Variants in NUDT19 observed in about 807,000 individuals in gnomAD.
NUDT19 encodes acyl-coenzyme A diphosphatase NUDT19.
In NUDT19, 31 loss-of-function variants were observed where a neutral mutation model predicts 22.2. The ratio of observed to expected loss-of-function variants is 1.40; its 90% CI spans 1.05 to 1.89. The LOEUF (loss-of-function observed/expected upper bound fraction) is 1.89. Among genes scored for constraint, NUDT19 ranks in the 40% most tolerant of loss-of-function variants. The pLI is 0.00. For synonymous variants in NUDT19, 325 were observed against 230.8 expected (o/e 1.41, Z -3.70); for missense variants, 752 against 514.2 (o/e 1.46, Z -4.47).
At chr19:32,698,738 A>C (rs1968296571) in intron 1 of NUDT19, among the ~76,000 whole-genome samples, 1 of 152,152 alleles carries the variant, frequency 6.6e-6, no homozygotes, top group African/African-American at 2.4e-5. Context: ...GGCCCTTACC[A>C]ACACATTCTC....
rs1050505208 is a variant in NUDT19, at chr19:32,712,827, G to A, written c.*870G>A. On this transcript the variant is annotated 3_prime_UTR_variant, in exon 3 of 3. Coordinates refer to ENST00000397061, the MANE Select transcript of NUDT19 (RefSeq NM_001105570.2). ...AAAACCAGAACATAATTTCACAAGG[G>A]TTCCTACTTCTGTATTGTTTTATTA... 1.3e-5 allele frequency: 2 copies of A among 152,088 alleles called. No homozygotes were observed. The highest frequency in any genetic ancestry group is 4.8e-5 in the African/African-American group (2 of 41,418). 9.4% of individuals were successfully genotyped at this position (152,088 alleles called of 1,614,324 possible).
Position 32,700,490 on chromosome 19 carries a change from C to T in NUDT19, c.714+7816C>T, listed in dbSNP as rs551851835. The stretch of plus-strand genomic sequence containing the variant: ...CAGAAAAGTTCTCCAAGTCCCCACT[C>T]GACCCAGGAAGTCCAGCTGGCTTCA... On this transcript the variant is annotated intron_variant, in intron 1 of 2. Transcript: ENST00000397061. Among the ~76,000 whole-genome samples, 10 of 152,296 alleles carry T rather than the reference C, an allele frequency of 6.6e-5. No individual in the cohort carries two copies. The East Asian group carries it at 1.4e-3, about 21-fold the overall frequency.
Position 32,712,338 on chromosome 19 carries a change from A to AAGTGCTGG in NUDT19, c.*382_*389dup, listed in dbSNP as rs1968457047. ...GTGATACGCCCGCCTTGGCCTCCCAAAGTGCTGGGATTACAGGTGTGGGCC... is the reference window on the plus strand; with the variant it reads ...GTGATACGCCCGCCTTGGCCTCCCAAAGTGCTGGAGTGCTGGGATTACAGGTGTGGGCC... On this transcript the variant is annotated 3_prime_UTR_variant, in exon 3 of 3. Transcript: ENST00000397061. The AAGTGCTGG allele has an allele frequency of 6.4e-6, 1 of 155,648 alleles. No individual in the cohort carries two copies. The highest frequency in any genetic ancestry group is 1.4e-5 in the Non-Finnish European group (1 of 72,878). 9.6% of individuals were successfully genotyped at this position (155,648 alleles called of 1,614,324 possible).
At position 32,692,385 on chromosome 19, in the gene NUDT19, G is replaced by GCA; in HGVS notation, c.425_426insCA (p.Pro143SerfsTer123). 1 of 1,582,138 alleles carries GCA rather than the reference G, an allele frequency of 6.3e-7. No homozygotes were observed. Among genetic ancestry groups the GCA allele is most frequent in the Non-Finnish European group, 8.5e-7 (1 of 1,172,198 alleles). On this transcript the variant is annotated frameshift_variant, in exon 1 of 3. Coordinates refer to ENST00000397061, the MANE Select transcript of NUDT19 (RefSeq NM_001105570.2). LOFTEE classifies it high-confidence loss of function. The stretch of plus-strand genomic sequence containing the variant: ...GAGGAGGCGGGCGTGCTGCTGCTGC[G>GCA]GCCCAGGACTTCCCCACCAGGCCCA...
At chr19:32,692,817 A>G (rs1968215267) in intron 1 of NUDT19, 143 bp downstream of exon 1, 1 of 573,514 alleles carries the variant, frequency 1.7e-6, no homozygotes, top group Non-Finnish European at 2.8e-6. Flanking sequence ...CGGGCTGGAA[A>G]CTCTCACCCC....
Position 32,699,550 on chromosome 19 carries a change from G to T in NUDT19, c.714+6876G>T, listed in dbSNP as rs141229402. Among the ~76,000 whole-genome samples the T allele has an allele frequency of 5.3e-5, 8 of 152,218 alleles. 1 individual carries two copies. Among genetic ancestry groups the T allele is most frequent in the South Asian group, 2.1e-4 (1 of 4,836 alleles). ...GGGGTTGTTAGCCCTTTCCCAGAAA[G>T]CCTGACACCCGTGTCTTTAGTTCAG... On this transcript the variant is annotated intron_variant, in intron 1 of 2. Coordinates refer to ENST00000397061, the MANE Select transcript of NUDT19 (RefSeq NM_001105570.2).
Position 32,692,562 on chromosome 19 carries a change from T to C in NUDT19, c.602T>C (p.Leu201Pro). ...IWALHNWSAW[L>P]TPFLRGTTRR... ...GCGCTGCACAACTGGAGCGCCTGGC[T>C]CACCCCTTTCTTGCGGGGCACCACT... is the stretch of plus-strand genomic sequence containing the variant. Residue 201 changes from leucine to proline, a missense_variant, in exon 1 of 3, where the codon CTC becomes CCC. By Grantham distance (98) the Leu-to-Pro change is moderately conservative. Coordinates refer to ENST00000397061, the MANE Select transcript of NUDT19 (RefSeq NM_001105570.2). 2 of 1,597,576 alleles carry C rather than the reference T, an allele frequency of 1.3e-6. No homozygotes were observed. The highest frequency in any genetic ancestry group is 1.7e-6 in the Non-Finnish European group (2 of 1,174,046).
At position 32,691,876 on chromosome 19, in the gene NUDT19, C is replaced by A; in HGVS notation, c.-85C>A. The A allele has an allele frequency of 1.3e-6, 1 of 740,888 alleles. No homozygotes were observed. The highest frequency in any genetic ancestry group is 1.8e-6 in the Non-Finnish European group (1 of 552,160). The allele number at this position is 740,888 out of a possible 1,614,324, so 45.9% of individuals were successfully genotyped here. ...TCGTCCTCAATTCCCGCGAGGCCCC[C>A]GGAGGTGCTGGGGTCCCTGCAGGGC... is the stretch of plus-strand genomic sequence containing the variant. On this transcript the variant is annotated 5_prime_UTR_variant, in exon 1 of 3. Transcript: ENST00000397061.
intron 2 of NUDT19, among the ~76,000 whole-genome samples, chr19:32,711,107 G>A (rs1367218114): frequency 6.6e-6 from 1 of 152,068 alleles, no homozygotes; most frequent in Non-Finnish European, 1.5e-5. Context: ...AAACATACCA[G>A]TCACAGATGT....
chr19:32,698,891 C>G (rs1313999164), intron 1 of NUDT19, among the ~76,000 whole-genome samples: 3 of 152,200 alleles, frequency 2.0e-5, no homozygotes, highest in Admixed American at 2.0e-4. Flanking sequence ...TACCCATGTC[C>G]TATAAAGATG....
intron 1 of NUDT19, among the ~76,000 whole-genome samples, chr19:32,705,866 T>C (rs1256088991): frequency 1.3e-5 from 2 of 152,176 alleles, no homozygotes; most frequent in African/African-American, 4.8e-5. Flanking sequence ...ATTACAGGCA[T>C]GAGCCACTGC....
At chr19:32,692,766 A>T (rs1968214100) in intron 1 of NUDT19, 92 bp downstream of exon 1, 2 of 925,030 alleles carry the variant, frequency 2.2e-6, no homozygotes, top group Admixed American at 7.0e-5. Context: ...ACCCCCGCAT[A>T]GGCCAAGCCC....
chr19:32,709,122 T>A, intron 1 of NUDT19, 63 bp from the exon 2 acceptor site: 1 of 1,103,110 alleles, frequency 9.1e-7, no homozygotes, highest in South Asian at 1.2e-5. Context: ...CTGGTCTGAC[T>A]GTCTCAAGTC....
intron 1 of NUDT19, among the ~76,000 whole-genome samples, chr19:32,696,475 A>G (rs1968264852): frequency 6.6e-6 from 1 of 152,184 alleles, no homozygotes; most frequent in South Asian, 2.1e-4. Context: ...TGACGTTTAA[A>G]GAAAAGTTTC....
At chr19:32,704,663 A>C (rs1968369503) in intron 1 of NUDT19, among the ~76,000 whole-genome samples, 1 of 152,014 alleles carries the variant, frequency 6.6e-6, no homozygotes, top group Non-Finnish European at 1.5e-5. Context: ...AATCCTTGCT[A>C]TAATTTCTGG....
Position 32,692,527 on chromosome 19 carries a change from C to T in NUDT19, c.567C>T (p.Pro189=), listed in dbSNP as rs753840652. Residue 189 remains proline, a synonymous_variant, in exon 1 of 3, where the codon CCC becomes CCT. Transcript: ENST00000397061. ...TGTGCGCCCACCTCGACTGCACACC[C>T]GACATCTGGGCGCTGCACAACTGGA... ...LRLCAHLDCT[P]DIWALHNWSA... 4 of 1,584,538 alleles carry T rather than the reference C, an allele frequency of 2.5e-6. No homozygotes were observed. Among genetic ancestry groups the T allele is most frequent in the Non-Finnish European group, 3.4e-6 (4 of 1,168,302 alleles).
chr19:32,707,422 G>A (rs750666227), intron 1 of NUDT19, among the ~76,000 whole-genome samples: 4 of 152,332 alleles, frequency 2.6e-5, no homozygotes, highest in East Asian at 3.9e-4. Flanking sequence ...CAATGTTTAA[G>A]CATGTACGAG....
At chr19:32,698,228 T>G (rs1160937909) in intron 1 of NUDT19, among the ~76,000 whole-genome samples, 2 of 152,250 alleles carry the variant, frequency 1.3e-5, no homozygotes, top group East Asian at 3.9e-4. Context: ...GTACTGTAGT[T>G]TATACTTCCC....
intron 1 of NUDT19, among the ~76,000 whole-genome samples, chr19:32,701,955 C>A: frequency 6.6e-6 from 1 of 152,142 alleles, no homozygotes; most frequent in East Asian, 1.9e-4. Flanking sequence ...AGTTTGAGAC[C>A]AGCCCAGCAA....
Sources: gnomAD v4.1 joint callset for allele counts (sites outside exome capture counted in the v4.1 genomes callset) on GRCh38, gnomAD v4.1.1 for gene constraint, MANE v1.5 for transcripts, NCBI Gene and HGNC (gene_info 2026-07-23, HGNC 2026-07-21) for gene names.